SMS: variants seen among roughly 807,000 people sequenced by gnomAD.
SMS encodes spermidine aminopropyltransferase.
Under a neutral mutation model 33.0 loss-of-function variants are expected in SMS, and 3 were observed. The observed-to-expected ratio is 0.09, with a 90% confidence interval of 0.04 to 0.23. SMS has a LOEUF of 0.23. Ranked by LOEUF, SMS falls within the 10% of genes least tolerant of loss-of-function variation. The pLI is 1.00. For missense variants in SMS, 117 were observed against 288.6 expected (o/e 0.41, Z 4.31); for synonymous variants, 103 against 112.2 (o/e 0.92, Z 0.52).
chrX:21,966,236 A>G (rs1224476107), intron 1 of SMS, among the ~76,000 whole-genome samples: 1 of 112,170 alleles, frequency 8.9e-6, no homozygotes, highest in Non-Finnish European at 1.9e-5. Flanking sequence ...CAGGTCACAG[A>G]GATGTTTCAT....
At position 21,994,597 on chromosome X, in the gene SMS, C is replaced by T; in HGVS notation, c.*246C>T. On this transcript the variant is annotated 3_prime_UTR_variant, in exon 11 of 11. Coordinates refer to ENST00000404933, the MANE Select transcript of SMS (RefSeq NM_004595.5). ...CAGCGAAGACTGCTAAATGCACTGACCCCCCCCATTAGAATGTGATTTTTG... is the reference window on the plus strand; with the variant it reads ...CAGCGAAGACTGCTAAATGCACTGATCCCCCCCATTAGAATGTGATTTTTG... 6 of 907,514 alleles carry T rather than the reference C, an allele frequency of 6.6e-6. No homozygotes were observed. Among genetic ancestry groups the T allele is most frequent in the South Asian group, 1.0e-4 (2 of 19,470 alleles). 74.8% of individuals were successfully genotyped at this position (907,514 alleles called of 1,213,427 possible).
intron 1 of SMS, among the ~76,000 whole-genome samples, chrX:21,949,529 C>T (rs1405747849): frequency 8.9e-6 from 1 of 112,031 alleles, no homozygotes. Flanking sequence ...GGCTTCCTCC[C>T]TAAGTGATTA....
rs1569347230 is a variant in SMS at position 21,967,226 on chromosome X, A to G, written c.80A>G (p.Gln27Arg). ...GGTGAGACCATTCTAAAAGGCCTCCAGTCCATTTTCCAGGAGCAGGGGATG... is the reference window on the plus strand; with the variant it reads ...GGTGAGACCATTCTAAAAGGCCTCCGGTCCATTTTCCAGGAGCAGGGGATG... The part of the protein sequence containing the change: ...ADGETILKGL[Q>R]SIFQEQGMAE... The change falls in exon 2 of 11, where the codon CAG becomes CGG. Residue 27 changes from glutamine (Q) to arginine (R), a missense_variant. Transcript: ENST00000404933. The G allele has an allele frequency of 8.3e-7, 1 of 1,209,277 alleles. No homozygotes were observed. The highest frequency in any genetic ancestry group is 1.1e-6 in the Non-Finnish European group (1 of 894,180).
chrX:21,986,523 T>C (rs1466262619), intron 9 of SMS, among the ~76,000 whole-genome samples: 1 of 111,687 alleles, frequency 9.0e-6, no homozygotes, highest in Non-Finnish European at 1.9e-5. Context: ...GGCTCCAGCC[T>C]ATCCTGTTGT....
intron 2 of SMS, among the ~76,000 whole-genome samples, chrX:21,971,669 G>GT (rs1924167531): frequency 8.9e-6 from 1 of 112,106 alleles, no homozygotes; most frequent in Admixed American, 9.4e-5. Context: ...CCAAGAACCA[G>GT]TTTTGAAAAC....
chrX:21,983,621 T>TAA (rs1392925591), intron 7 of SMS, among the ~76,000 whole-genome samples: 1 of 111,847 alleles, frequency 8.9e-6, no homozygotes, highest in Admixed American at 9.6e-5. Flanking sequence ...TATAGCTTTA[T>TAA]TAGCAGTAGC....
intron 7 of SMS, among the ~76,000 whole-genome samples, chrX:21,979,452 T>C (rs1364081172): frequency 2.8e-5 from 3 of 106,803 alleles, no homozygotes; most frequent in Non-Finnish European, 5.8e-5. Context: ...GAACATGCGG[T>C]GTTTGGTTTT....
chrX:21,960,309 G>A (rs997760632), intron 1 of SMS, among the ~76,000 whole-genome samples: 1 of 110,637 alleles, frequency 9.0e-6, no homozygotes, highest in East Asian at 2.8e-4. Context: ...TATGCTTGGC[G>A]AGAATAGAAA....
intron 1 of SMS, among the ~76,000 whole-genome samples, chrX:21,950,529 A>G (rs751208998): frequency 9.6e-6 from 1 of 104,675 alleles, no homozygotes; most frequent in South Asian, 4.3e-4. Context: ...GTGGTCTGCT[A>G]TACCTATCAA....
intron 10 of SMS, among the ~76,000 whole-genome samples, chrX:21,993,180 C>T (rs962105133): frequency 8.9e-6 from 1 of 112,140 alleles, no homozygotes; most frequent in African/African-American, 3.2e-5. Context: ...AAATAACCAC[C>T]CTACCTGTGG....
intron 1 of SMS, among the ~76,000 whole-genome samples, chrX:21,947,813 C>G (rs1034707958): frequency 1.3e-4 from 15 of 111,658 alleles, no homozygotes; most frequent in Admixed American, 1.1e-3. Flanking sequence ...CCAGTATATT[C>G]CTTGTGCTTC....
chrX:21,986,777 T>G (rs1471581749), intron 9 of SMS, among the ~76,000 whole-genome samples: 2 of 111,781 alleles, frequency 1.8e-5, no homozygotes, highest in Admixed American at 1.9e-4. Flanking sequence ...GTTTGTAAAG[T>G]TTTCTTGGCA....
chrX:21,976,305 G>A (rs2147516740), intron 4 of SMS, among the ~76,000 whole-genome samples: 1 of 110,547 alleles, frequency 9.0e-6, no homozygotes, highest in Admixed American at 9.7e-5. Context: ...AATTTCAGAG[G>A]GTGAAAAAGG....
At chrX:21,977,466 A>G (rs1291389041) in intron 5 of SMS, among the ~76,000 whole-genome samples, 1 of 111,694 alleles carries the variant, frequency 9.0e-6, no homozygotes, top group Non-Finnish European at 1.9e-5. Flanking sequence ...GTATTTCAAA[A>G]GAAAATGCAT....
chrX:21,985,363 T>C, intron 9 of SMS, 140 bp downstream of exon 9: 1 of 444,222 alleles, frequency 2.3e-6, no homozygotes, highest in Non-Finnish European at 4.2e-6. Context: ...AGTAAGCTTC[T>C]ACGTTGACCT....
chrX:21,991,688 T>C (rs1925770606), intron 9 of SMS, among the ~76,000 whole-genome samples: 1 of 112,615 alleles, frequency 8.9e-6, no homozygotes, highest in Admixed American at 9.4e-5. Context: ...CAAGATCCCC[T>C]ATGATATCAT....
At chrX:21,953,738 G>T (rs1224330629) in intron 1 of SMS, among the ~76,000 whole-genome samples, 1 of 112,197 alleles carries the variant, frequency 8.9e-6, no homozygotes, top group Non-Finnish European at 1.9e-5. Flanking sequence ...GGTGCTTGCA[G>T]AGTATCCACA....
chrX:21,983,213 T>TC (rs1320617488), intron 7 of SMS, among the ~76,000 whole-genome samples: 1 of 109,008 alleles, frequency 9.2e-6, no homozygotes, highest in Non-Finnish European at 1.9e-5. Context: ...CTGATTTTTC[T>TC]TTTTTTTCTA....
chrX:21,986,484 T>G (rs1925346133), intron 9 of SMS, among the ~76,000 whole-genome samples: 1 of 111,270 alleles, frequency 9.0e-6, no homozygotes, highest in African/African-American at 3.3e-5. Flanking sequence ...TGAAAACAAC[T>G]TAGCATTTCT....
Sources: gnomAD v4.1 joint callset for allele counts (sites outside exome capture counted in the v4.1 genomes callset) on GRCh38, gnomAD v4.1.1 for gene constraint, MANE v1.5 for transcripts, NCBI Gene and HGNC (gene_info 2026-07-23, HGNC 2026-07-21) for gene names.